NFIB: variants seen among roughly 807,000 people sequenced by gnomAD.
The protein encoded by NFIB is nuclear factor 1 B-type.
A neutral mutation model predicts 61.5 loss-of-function variants in NFIB; 11 were observed. The observed-to-expected ratio is 0.18, with a 90% CI of 0.11 to 0.30. The LOEUF is 0.30. Among genes scored for constraint, NFIB ranks in the 10% least tolerant of loss-of-function variants. The probability of loss-of-function intolerance (pLI) is 1.00; values close to 1 mark genes in which losing one functional copy is unlikely to be tolerated. For missense variants in NFIB, 471 were observed against 608.9 expected (o/e 0.77, Z 2.38); for synonymous variants, 260 against 216.5 (o/e 1.20, Z -1.76).
intron 2 of NFIB, chr9:14,305,914 A>G: frequency 1.7e-6 from 2 of 1,199,426 alleles, no homozygotes. Context: ...ACTTCAGTCT[A>G]CTTTTGGTAT....
At chr9:14,099,174 C>T (rs1198832897) in intron 10 of NFIB, among the ~76,000 whole-genome samples, 1 of 152,134 alleles carries the variant, frequency 6.6e-6, no homozygotes, top group African/African-American at 2.4e-5. Context: ...CCAAAACACC[C>T]GTTTTGCTTT....
chr9:14,313,709 T>C lies in NFIB; in HGVS notation c.-198A>G, dbSNP rs1414717183. ...AAAGATTCAAGTTCACTCGGCGTGC[T>C]AGATTTCCAGGGGTGAAATCCAATC... On this transcript the variant is annotated 5_prime_UTR_variant, in exon 1 of 11. Transcript: ENST00000380953. The surrounding 1 kb of genome is among the most constrained non-coding windows in gnomAD (Gnocchi z 4.5). 4.9e-6 allele frequency: 7 copies of C among 1,427,146 alleles called. No homozygotes were observed. Among genetic ancestry groups the C allele is most frequent in the East Asian group, 5.4e-5 (2 of 37,122 alleles). The allele number at this position is 1,427,146 out of a possible 1,614,324, so 88.4% of individuals were successfully genotyped here.
At position 14,125,753 on chromosome 9, in the gene NFIB, C is replaced by T. The variant is rs143733798; in HGVS notation, c.939G>A (p.Pro313=). ...GCTTTTCAGGCTTCTTCATAGTAGT[C>T]GGAGAAGACATATCTGCGAGAAACA... The part of the protein sequence containing the change: ...WHERDQDMSS[P]TTMKKPEKPL... Residue 313 remains proline (P), a synonymous_variant, in exon 7 of 11, where the codon CCG becomes CCA. Coordinates refer to ENST00000380953, the MANE Select transcript of NFIB (RefSeq NM_001190737.2). The T allele has an allele frequency of 2.5e-5, 40 of 1,613,964 alleles. No homozygotes were observed. Among genetic ancestry groups the T allele is most frequent in the African/African-American group, 5.3e-5 (4 of 75,024 alleles).
At chr9:14,468,886 C>T in the NFIB span, among the ~76,000 whole-genome samples, 15 of 152,304 alleles carry the variant, frequency 9.8e-5, no homozygotes, top group South Asian at 3.1e-3. Flanking sequence ...CAGAAGACCA[C>T]CATTTGGAAT....
chr9:14,301,360 T>C (rs754214899), intron 2 of NFIB, among the ~76,000 whole-genome samples: 6 of 152,180 alleles, frequency 3.9e-5, no homozygotes, highest in African/African-American at 1.4e-4. Flanking sequence ...ACAAGAGACA[T>C]TGTGCACTAA....
chr9:14,220,527 G>A (rs1020306259), intron 2 of NFIB, among the ~76,000 whole-genome samples: 5 of 152,108 alleles, frequency 3.3e-5, no homozygotes, highest in Non-Finnish European at 7.4e-5. Context: ...CAAGAAACCA[G>A]GAGCCCCGCC....
rs147094946 is a variant in NFIB, at chr9:14,375,466, A to G, written c.108+23058T>C. Among the ~76,000 whole-genome samples, 1,334 of 151,688 alleles carry G rather than the reference A, an allele frequency of 8.8e-3. 18 individuals are homozygous for G. Among genetic ancestry groups the G allele is most frequent in the African/African-American group, 0.028 (1,137 of 41,332 alleles). ...AGGTCAGCAGTTCGAGACCAGCCTG[A>G]CCAACATGGTGAAACCCCGTCTCTA... is the stretch of plus-strand genomic sequence containing the variant. On this transcript the variant is annotated intron_variant, in intron 1 of 8. Transcript: ENST00000380934.
At chr9:14,165,663 G>A (rs995078169) in intron 3 of NFIB, among the ~76,000 whole-genome samples, 1 of 152,076 alleles carries the variant, frequency 6.6e-6, no homozygotes, top group East Asian at 1.9e-4. Flanking sequence ...TCTAAAAGGG[G>A]AACACTAGTC....
intron 4 of NFIB, among the ~76,000 whole-genome samples, chr9:14,152,869 G>T (rs1488243073): frequency 1.3e-5 from 2 of 151,928 alleles, no homozygotes; most frequent in Admixed American, 6.6e-5. Context: ...AGGTGGGGGA[G>T]GGTGGGGAGG....
chr9:14,476,908 T>A, the NFIB span, among the ~76,000 whole-genome samples: 2 of 152,220 alleles, frequency 1.3e-5, no homozygotes, highest in Non-Finnish European at 2.9e-5. Flanking sequence ...AAAAATAGCA[T>A]GTTTCATGGA....
chr9:14,281,278 A>T (rs913197821), intron 2 of NFIB, among the ~76,000 whole-genome samples: 5 of 152,226 alleles, frequency 3.3e-5, no homozygotes, highest in Non-Finnish European at 7.3e-5. Flanking sequence ...AGGCTGCTTC[A>T]GAAAACTATT....
At chr9:14,365,790 G>C (rs1041755777) in intron 1 of NFIB, among the ~76,000 whole-genome samples, 1 of 152,174 alleles carries the variant, frequency 6.6e-6, no homozygotes, top group African/African-American at 2.4e-5. Context: ...CAGACATGAG[G>C]CAGGAGGGAG....
chr9:14,223,334 G>A (rs1364279943), intron 2 of NFIB, among the ~76,000 whole-genome samples: 1 of 152,146 alleles, frequency 6.6e-6, no homozygotes, highest in African/African-American at 2.4e-5. Flanking sequence ...ACTGATAAGT[G>A]ACTACTACGT....
At chr9:14,384,291 T>C (rs1588403096) in intron 1 of NFIB, among the ~76,000 whole-genome samples, 1 of 152,220 alleles carries the variant, frequency 6.6e-6, no homozygotes, top group Non-Finnish European at 1.5e-5. Flanking sequence ...ATGTACATAT[T>C]TGGCTCTCTC....
chr9:14,410,857 C>G, the NFIB span, among the ~76,000 whole-genome samples: 1 of 152,176 alleles, frequency 6.6e-6, no homozygotes, highest in Non-Finnish European at 1.5e-5. Context: ...AAAATTCAGA[C>G]TCATTCATTT....
chr9:14,282,523 T>C lies in NFIB; in HGVS notation c.562+24466A>G, dbSNP rs1357375591. ...AATTACAAGTGATGTGACTTTCTAATGTGATTACTCACAGAAATGGCAGTT... is the reference window on the plus strand; with the variant it reads ...AATTACAAGTGATGTGACTTTCTAACGTGATTACTCACAGAAATGGCAGTT... On this transcript the variant is annotated intron_variant, in intron 2 of 10. Coordinates refer to ENST00000380953, the MANE Select transcript of NFIB (RefSeq NM_001190737.2). Among the ~76,000 whole-genome samples the C allele has an allele frequency of 2.0e-5, 3 of 152,258 alleles. No homozygotes were observed. In the East Asian group the frequency reaches 5.8e-4, roughly 29 times the overall value.
chr9:14,429,618 C>T, the NFIB span, among the ~76,000 whole-genome samples: 1 of 152,200 alleles, frequency 6.6e-6, no homozygotes, highest in Non-Finnish European at 1.5e-5. Context: ...TCCCTCAATT[C>T]TCGGATCCTG....
chr9:14,132,677 C>T (rs150284575), intron 6 of NFIB, among the ~76,000 whole-genome samples: 1,543 of 152,212 alleles, frequency 0.01, 15 homozygotes, highest in African/African-American at 0.017. Flanking sequence ...AAGCGATCCT[C>T]CCATCTCAGC....
chr9:14,473,637 G>A, the NFIB span, among the ~76,000 whole-genome samples: 2 of 152,132 alleles, frequency 1.3e-5, no homozygotes, highest in Non-Finnish European at 2.9e-5. Flanking sequence ...CTCTCTCCAA[G>A]TCTGCATCCC....
Sources: allele counts gnomAD v4.1 joint callset (sites outside exome capture counted in the v4.1 genomes callset), GRCh38; gene constraint gnomAD v4.1.1; non-coding constraint Gnocchi (gnomAD v3.1); transcripts MANE v1.5; gene names NCBI Gene and HGNC (gene_info 2026-07-23, HGNC 2026-07-21).